The following ACSL6 variants were observed in gnomAD, a reference collection of about 807,000 sequenced individuals.
The protein encoded by ACSL6 is long-chain-fatty-acid--CoA ligase 6.
ACSL6 carries 47 observed loss-of-function variants against 98.2 expected under a neutral mutation model. The ratio of observed to expected loss-of-function variants is 0.48; its 90% CI spans 0.38 to 0.61. ACSL6 has a LOEUF of 0.61. Ranked by LOEUF, ACSL6 falls within the 20% of genes least tolerant of loss-of-function variation. The pLI is 0.00. For synonymous variants in ACSL6, 362 were observed against 336.9 expected, an observed-to-expected ratio of 1.07 and a Z score of -0.82; for missense variants, 761 against 913.4, an observed-to-expected ratio of 0.83 and a Z score of 2.15.
chr5:131,971,770 AAAG>A lies in ACSL6; in HGVS notation c.1339-128_1339-126del. The A allele has an allele frequency of 7.1e-6, 5 of 706,150 alleles. No homozygotes were observed. In the South Asian group the frequency reaches 1.3e-4, roughly 18 times the overall value. The allele number at this position is 706,150 out of a possible 1,614,324, so 43.7% of individuals were successfully genotyped here. ...ACCTGGATGCTAGGGCTGGGATCAG[AAAG>A]AAGGCCTGAGGTTGTACAACACACG... On this transcript the variant is annotated intron_variant, in intron 13 of 20. Coordinates refer to ENST00000651883, the MANE Select transcript of ACSL6 (RefSeq NM_001009185.3).
At chr5:132,011,834 C>T, upstream of ACSL6, 1 of 1,496,784 alleles carries the variant, frequency 6.7e-7, no homozygotes, top group Non-Finnish European at 8.9e-7. This position sits in a 1 kb window ranked among gnomAD's most constrained non-coding sequence, Gnocchi z 5.4. Context: ...GGTGTCGGAA[C>T]CGCCAAGCTC....
chr5:131,952,695 G>A lies in ACSL6; in HGVS notation c.*1539C>T, dbSNP rs779173325. On this transcript the variant is annotated 3_prime_UTR_variant, in exon 21 of 21. Coordinates refer to ENST00000651883, the MANE Select transcript of ACSL6 (RefSeq NM_001009185.3). ...CATGGTATCTGGCCTTTAATTATAA[G>A]AAATTGTTGACACCCCAATACAGGG... The A allele has an allele frequency of 9.3e-6, 2 of 215,252 alleles. No homozygotes were observed. The highest frequency in any genetic ancestry group is 1.9e-5 in the Non-Finnish European group (2 of 106,970). The allele number at this position is 215,252 out of a possible 1,614,324, so 13.3% of individuals were successfully genotyped here. A position where few individuals can be genotyped will look rare whatever the true frequency, so the allele number is the denominator to read the frequency against.
rs749609030 is a variant in ACSL6 at position 132,011,456 on chromosome 5, T to C, written c.49+49A>G. 3 of 1,587,068 alleles carry C rather than the reference T, an allele frequency of 1.9e-6. No homozygotes were observed. Among genetic ancestry groups the C allele is most frequent in the African/African-American group, 1.4e-5 (1 of 74,018 alleles). ...ACCTCCACCTCGGGCGAAGACCTCA[T>C]AGCCTGCGGGAGATGGGAGTCCGGG... On this transcript the variant is annotated intron_variant, in intron 1 of 20. Coordinates refer to ENST00000651883, the MANE Select transcript of ACSL6 (RefSeq NM_001009185.3). This position sits in a 1 kb window ranked among gnomAD's most constrained non-coding sequence, Gnocchi z 5.4.
intron 3 of ACSL6, 38 bp from the exon 4 acceptor site, chr5:131,990,202 T>C: frequency 1.2e-6 from 2 of 1,607,112 alleles, no homozygotes; most frequent in Non-Finnish European, 1.7e-6. Flanking sequence ...CAGAGAGGGG[T>C]CAGAGTGGGT....
chr5:131,995,531 G>A (rs1462047077), intron 1 of ACSL6, among the ~76,000 whole-genome samples: 3 of 152,146 alleles, frequency 2.0e-5, no homozygotes, highest in Non-Finnish European at 4.4e-5. Flanking sequence ...CTAAGCCTTT[G>A]GAAGCATGGC....
chr5:131,957,917 G>A (rs1034646335), intron 20 of ACSL6, among the ~76,000 whole-genome samples: 6 of 152,258 alleles, frequency 3.9e-5, no homozygotes, highest in South Asian at 2.1e-4. Context: ...ATCAAAAGGC[G>A]ACAGCCTTGG....
At chr5:131,978,594 T>C (rs1753746058) in intron 9 of ACSL6, among the ~76,000 whole-genome samples, 1 of 152,170 alleles carries the variant, frequency 6.6e-6, no homozygotes, top group Non-Finnish European at 1.5e-5. Context: ...ATTCCTATTT[T>C]GGACTGACAC....
In ACSL6 at chr5:131,974,876, T is replaced by A; in HGVS notation, c.1068+17A>T. The A allele has an allele frequency of 5.6e-6, 9 of 1,614,042 alleles. No homozygotes were observed. Among genetic ancestry groups the A allele is most frequent in the Non-Finnish European group, 6.8e-6 (8 of 1,179,998 alleles). ...AGGAGCCCAGGCAAGGCCCGGTCAG[T>A]CAGGTGGGTGTCTTACCTGGATTAC... On this transcript the variant is annotated intron_variant, in intron 11 of 20. Transcript: ENST00000651883.
At position 131,950,311 on chromosome 5, in the gene ACSL6, A is replaced by G; in HGVS notation, c.*3923T>C. 4.9e-6 allele frequency: 1 copy of G among 205,180 alleles called. No individual in the cohort carries two copies. The highest frequency in any genetic ancestry group is 7.5e-5 in the East Asian group (1 of 13,402). The allele number at this position is 205,180 out of a possible 1,614,324, so 12.7% of individuals were successfully genotyped here. A position where few individuals can be genotyped will look rare whatever the true frequency, so the allele number is the denominator to read the frequency against. ...GTTTAGAAATGCTCACATTTCAAATATTTATCTACTGCCTCTGTGTTACAA... is the reference window on the plus strand; with the variant it reads ...GTTTAGAAATGCTCACATTTCAAATGTTTATCTACTGCCTCTGTGTTACAA... On this transcript the variant is annotated 3_prime_UTR_variant, in exon 21 of 21. Transcript: ENST00000651883.
At chr5:131,979,813 A>C (rs1477889112) in intron 9 of ACSL6, among the ~76,000 whole-genome samples, 1 of 152,218 alleles carries the variant, frequency 6.6e-6, no homozygotes, top group Non-Finnish European at 1.5e-5. Flanking sequence ...CCAGGCCGCC[A>C]ATGTCTCAGC....
intron 1 of ACSL6, among the ~76,000 whole-genome samples, chr5:132,002,067 G>A (rs1293275375): frequency 6.6e-6 from 1 of 152,132 alleles, no homozygotes; most frequent in Non-Finnish European, 1.5e-5. Context: ...ATATTTACAG[G>A]GTATGATAAC....
At chr5:131,991,194 C>T (rs1028517865) in intron 2 of ACSL6, among the ~76,000 whole-genome samples, 2 of 152,202 alleles carry the variant, frequency 1.3e-5, no homozygotes, top group South Asian at 2.1e-4. Context: ...GCATAAAGGC[C>T]GGGTATACCA....
At chr5:131,968,685 T>C (rs1753150814) in intron 15 of ACSL6, among the ~76,000 whole-genome samples, 1 of 152,220 alleles carries the variant, frequency 6.6e-6, no homozygotes, top group Admixed American at 6.5e-5. Context: ...AAATTACATC[T>C]AAGTCATTTT....
rs1312359917 is a variant in ACSL6, at chr5:131,988,567, G to T, written c.652+238C>A. The T allele has an allele frequency of 3.7e-6, 6 of 1,601,594 alleles. No individual in the cohort carries two copies. In the Middle Eastern group the frequency reaches 8.3e-4, roughly 221 times the overall value. On this transcript the variant is annotated intron_variant, in intron 6 of 20. Transcript: ENST00000651883. ...TCAGAGGGCTGTACCCTGTGTGGAGGCTGTTGCAGAGGCTCCTTCTTGGCA... is the reference window on the plus strand; with the variant it reads ...TCAGAGGGCTGTACCCTGTGTGGAGTCTGTTGCAGAGGCTCCTTCTTGGCA...
intron 2 of ACSL6, among the ~76,000 whole-genome samples, chr5:131,992,945 C>T (rs1427890512): frequency 6.6e-6 from 1 of 152,184 alleles, no homozygotes; most frequent in African/African-American, 2.4e-5. Flanking sequence ...AACTGAGAGC[C>T]CTGAGGCTCA....
intron 9 of ACSL6, among the ~76,000 whole-genome samples, chr5:131,977,656 G>A (rs927702634): frequency 1.2e-4 from 19 of 152,156 alleles, no homozygotes; most frequent in Admixed American, 6.5e-5. Flanking sequence ...AGCCAGAGAT[G>A]TTAAATCAGA....
chr5:131,974,105 T>A (rs1306722961), intron 11 of ACSL6: 2 of 152,610 alleles, frequency 1.3e-5, no homozygotes, highest in Non-Finnish European at 2.9e-5. Context: ...CTGGAAAGCA[T>A]GCTCTCCAGA....
At chr5:132,009,570 G>A (rs532130463) in intron 1 of ACSL6, among the ~76,000 whole-genome samples, 1 of 152,320 alleles carries the variant, frequency 6.6e-6, no homozygotes, top group South Asian at 2.1e-4. Context: ...CCATAGACCA[G>A]CCTCAGCCTC....
intron 16 of ACSL6, 69 bp downstream of exon 16, chr5:131,967,871 C>T: frequency 7.3e-7 from 1 of 1,363,144 alleles, no homozygotes; most frequent in Non-Finnish European, 1.0e-6. Flanking sequence ...ATCATTCCAT[C>T]CCTACTGTTC....
Sources: gnomAD v4.1 joint callset for allele counts (sites outside exome capture counted in the v4.1 genomes callset) on GRCh38, gnomAD v4.1.1 for gene constraint, Gnocchi (gnomAD v3.1) non-coding constraint, MANE v1.5 for transcripts, NCBI Gene and HGNC (gene_info 2026-07-23, HGNC 2026-07-21) for gene names.